FER: variants seen among roughly 807,000 people sequenced by gnomAD.
FER encodes the protein FER tyrosine kinase.
In FER, 63 loss-of-function variants were observed where a neutral mutation model predicts 111.0. That is an observed-to-expected ratio of 0.57 (90% CI 0.46 to 0.70). The LOEUF (loss-of-function observed/expected upper bound fraction) is 0.70. Among genes scored for constraint, FER ranks in the 30% least tolerant of loss-of-function variants. The probability of loss-of-function intolerance (pLI) is 0.00; values close to 1 mark genes in which losing one functional copy is unlikely to be tolerated. For missense variants in FER, 914 were observed against 954.0 expected (o/e 0.96, Z 0.55); for synonymous variants, 327 against 313.9 (o/e 1.04, Z -0.44).
At chr5:109,074,382 G>A (rs1361084862) in intron 16 of FER, among the ~76,000 whole-genome samples, 1 of 152,176 alleles carries the variant, frequency 6.6e-6, no homozygotes, top group Admixed American at 6.5e-5. Flanking sequence ...AAGATACATT[G>A]TAATATCATG....
intron 13 of FER, among the ~76,000 whole-genome samples, chr5:109,012,175 T>C (rs907039708): frequency 2.0e-5 from 3 of 152,242 alleles, no homozygotes; most frequent in Non-Finnish European, 4.4e-5. Context: ...AGGTAGACTG[T>C]GTATTCACGT....
At chr5:108,907,393 CA>C (rs1229258699) in intron 10 of FER, among the ~76,000 whole-genome samples, 2 of 151,958 alleles carry the variant, frequency 1.3e-5, no homozygotes, top group African/African-American at 4.8e-5. Context: ...CTCCTGGGTT[CA>C]AGCAATTCTT....
intron 13 of FER, among the ~76,000 whole-genome samples, chr5:108,962,550 T>C (rs755822584): frequency 1.9e-4 from 29 of 152,194 alleles, no homozygotes; most frequent in Non-Finnish European, 4.0e-4. Flanking sequence ...AGGGTCACAG[T>C]TGTATTTAAC....
At chr5:109,092,587 C>A (rs1746956672) in intron 16 of FER, among the ~76,000 whole-genome samples, 2 of 151,960 alleles carry the variant, frequency 1.3e-5, no homozygotes, top group Non-Finnish European at 1.5e-5. Context: ...AGGATGGCCA[C>A]TATAAAAAAA....
chr5:109,071,145 C>G (rs187803785), intron 16 of FER, among the ~76,000 whole-genome samples: 2 of 152,104 alleles, frequency 1.3e-5, no homozygotes, highest in Admixed American at 1.3e-4. Context: ...CTGTAATGCC[C>G]TCTTTCGCTT....
intron 3 of FER, among the ~76,000 whole-genome samples, chr5:108,813,621 A>G (rs1430839274): frequency 2.0e-5 from 3 of 151,962 alleles, no homozygotes; most frequent in African/African-American, 7.3e-5. Flanking sequence ...CTTCTACTTC[A>G]CTAATCTTAC....
chr5:108,826,830 G>T (rs1272304278), intron 3 of FER, among the ~76,000 whole-genome samples: 1 of 152,192 alleles, frequency 6.6e-6, no homozygotes, highest in East Asian at 1.9e-4. Flanking sequence ...TTGGTAGGTT[G>T]TATTTGTTTT....
chr5:108,798,133 G>A lies in FER; in HGVS notation c.-50G>A. ...TTGTTTACATACACAGATATGTGCT[G>A]ATTAGAAGGCTCACTTGTGCAGTGT... On this transcript the variant is annotated 5_prime_UTR_variant, in exon 3 of 20. An upstream open reading frame in the 5' UTR loses its in-frame stop. Coordinates refer to ENST00000281092, the MANE Select transcript of FER (RefSeq NM_005246.4). 3 of 1,400,740 alleles carry A rather than the reference G, an allele frequency of 2.1e-6. No homozygotes were observed. The South Asian group carries it at 3.5e-5, about 16-fold the overall frequency. 86.8% of individuals were successfully genotyped at this position (1,400,740 alleles called of 1,614,324 possible).
At chr5:109,167,773 G>A (rs140210280) in intron 17 of FER, among the ~76,000 whole-genome samples, 1 of 152,134 alleles carries the variant, frequency 6.6e-6, no homozygotes. Flanking sequence ...TATCTGAATG[G>A]GAGTGGTCTG....
chr5:108,892,382 A>G (rs934892355), intron 9 of FER, among the ~76,000 whole-genome samples: 2 of 151,956 alleles, frequency 1.3e-5, no homozygotes, highest in African/African-American at 4.8e-5. Context: ...ATGGTATCTC[A>G]TTGTGGTTTT....
At chr5:109,182,720 G>A (rs182435098) in intron 18 of FER, among the ~76,000 whole-genome samples, 23 of 152,242 alleles carry the variant, frequency 1.5e-4, no homozygotes, top group Admixed American at 1.4e-3. Flanking sequence ...CTTGATCACG[G>A]TATAGTTTTT....
intron 13 of FER, among the ~76,000 whole-genome samples, chr5:108,996,108 G>C (rs191601042): frequency 6.6e-6 from 1 of 152,068 alleles, no homozygotes; most frequent in African/African-American, 2.4e-5. Context: ...CTTTTTGAAG[G>C]AGTTGTTTTT....
intron 17 of FER, among the ~76,000 whole-genome samples, chr5:109,121,827 G>T (rs888257653): frequency 6.6e-6 from 1 of 151,902 alleles, no homozygotes; most frequent in Non-Finnish European, 1.5e-5. Context: ...ATCTTGATAG[G>T]TTTTATGTGT....
At chr5:108,927,845 G>C (rs926268923) in intron 10 of FER, among the ~76,000 whole-genome samples, 4 of 152,150 alleles carry the variant, frequency 2.6e-5, no homozygotes, top group African/African-American at 7.2e-5. Context: ...ACTGAGGGAT[G>C]GTAGCTGATA....
intron 13 of FER, among the ~76,000 whole-genome samples, chr5:109,020,669 A>ATATAT (rs1320406391): frequency 6.6e-6 from 1 of 151,996 alleles, no homozygotes; most frequent in Admixed American, 6.6e-5. Flanking sequence ...TCCCCTTGTG[A>ATATAT]ACTTTTGGCA....
At position 109,030,667 on chromosome 5, in the gene FER, C is replaced by T. The variant is rs558383002; in HGVS notation, c.1657-6755C>T. Reference sequence around the variant, plus strand: ...CAGGTGTTTCACTGAGGAAGGGCATCTTAGGCCTATGGGATTGTTTGGTAG... The same window carrying T: ...CAGGTGTTTCACTGAGGAAGGGCATTTTAGGCCTATGGGATTGTTTGGTAG... On this transcript the variant is annotated intron_variant, in intron 13 of 19. Coordinates refer to ENST00000281092, the MANE Select transcript of FER (RefSeq NM_005246.4). Among the ~76,000 whole-genome samples the T allele has an allele frequency of 1.1e-4, 17 of 152,214 alleles. No homozygotes were observed. In the South Asian group the frequency reaches 3.3e-3, roughly 30 times the overall value.
chr5:109,131,202 C>T (rs1302184466), intron 17 of FER, among the ~76,000 whole-genome samples: 1 of 152,078 alleles, frequency 6.6e-6, no homozygotes, highest in Non-Finnish European at 1.5e-5. Context: ...TAGCATTTAG[C>T]AGTAGAAATT....
At chr5:109,156,773 A>C (rs1350588418) in intron 17 of FER, among the ~76,000 whole-genome samples, 1 of 152,096 alleles carries the variant, frequency 6.6e-6, no homozygotes, top group Non-Finnish European at 1.5e-5. Flanking sequence ...CTGAAAAATC[A>C]AGAAAAAGAA....
chr5:108,953,353 T>C (rs1758009921), intron 11 of FER, among the ~76,000 whole-genome samples: 1 of 151,976 alleles, frequency 6.6e-6, no homozygotes, highest in Non-Finnish European at 1.5e-5. Flanking sequence ...TTATTTGTCA[T>C]AGTTTGCATG....
Sources: allele counts gnomAD v4.1 joint callset (sites outside exome capture counted in the v4.1 genomes callset), GRCh38; gene constraint gnomAD v4.1.1; transcripts MANE v1.5; gene names NCBI Gene and HGNC (gene_info 2026-07-23, HGNC 2026-07-21).